PRKG1: variants seen among roughly 807,000 people sequenced by gnomAD.
The protein encoded by PRKG1 is cGMP-dependent protein kinase 1.
In PRKG1, 35 loss-of-function variants were observed where a neutral mutation model predicts 88.1. That is an observed-to-expected ratio of 0.40 (90% confidence interval 0.30 to 0.53). The LOEUF (loss-of-function observed/expected upper bound fraction) is 0.53. PRKG1 is among the 20% of genes least tolerant of loss of function. PRKG1 has a pLI of 0.59. For synonymous variants in PRKG1, 303 were observed against 292.5 expected (o/e 1.04, Z -0.37); for missense variants, 540 against 839.8 (o/e 0.64, Z 4.41).
chr10:51,989,828 A>C (rs1564741614), intron 5 of PRKG1, among the ~76,000 whole-genome samples: 2 of 152,040 alleles, frequency 1.3e-5, no homozygotes, highest in Admixed American at 1.3e-4. Flanking sequence ...CCATGTATTT[A>C]TTTGTGCATT....
At chr10:51,281,674 G>A (rs988624350) in intron 2 of PRKG1, among the ~76,000 whole-genome samples, 7 of 152,188 alleles carry the variant, frequency 4.6e-5, no homozygotes, top group African/African-American at 1.7e-4. Flanking sequence ...GCAGACTTAA[G>A]TGTCCCTGTC....
chr10:51,424,362 CT>C lies in PRKG1; in HGVS notation c.479-43358del, dbSNP rs1472848955. ...ATTACAGATCTTTCAAATATGATAC[CT>C]TTCCAATATTTTCTAAAGCAGTAAT... On this transcript the variant is annotated intron_variant, in intron 2 of 17. Transcript: ENST00000373980. Among the ~76,000 whole-genome samples the C allele has an allele frequency of 7.3e-4, 111 of 151,736 alleles. 1 individual carries two copies. The highest frequency in any genetic ancestry group is 2.5e-3 in the African/African-American group (104 of 41,400).
chr10:51,963,705 C>T (rs973589727), intron 5 of PRKG1, among the ~76,000 whole-genome samples: 2 of 152,236 alleles, frequency 1.3e-5, no homozygotes, highest in East Asian at 1.9e-4. Flanking sequence ...ACTCCAGCCT[C>T]CCCACATGCT....
chr10:51,790,517 C>T (rs761466353), intron 3 of PRKG1, among the ~76,000 whole-genome samples: 1 of 152,264 alleles, frequency 6.6e-6, no homozygotes, highest in East Asian at 1.9e-4. Flanking sequence ...AAGCCACATA[C>T]TCCTGTATGG....
chr10:51,112,536 T>C (rs998829236), intron 1 of PRKG1, among the ~76,000 whole-genome samples: 20 of 152,128 alleles, frequency 1.3e-4, no homozygotes, highest in Non-Finnish European at 2.8e-4. Flanking sequence ...TTTCATTAGA[T>C]TCATAATAAC....
chr10:51,369,108 C>T (rs1015621679), intron 2 of PRKG1, among the ~76,000 whole-genome samples: 41 of 152,008 alleles, frequency 2.7e-4, no homozygotes, highest in African/African-American at 9.9e-4. Context: ...AAATCACTGC[C>T]GTAATGCACA....
intron 3 of PRKG1, among the ~76,000 whole-genome samples, chr10:51,646,333 T>C (rs992184976): frequency 5.1e-4 from 77 of 152,288 alleles, no homozygotes; most frequent in African/African-American, 1.7e-3. Context: ...ACTAAAAGCA[T>C]GCCTGTTGTA....
chr10:51,298,067 A>G (rs754834671), intron 2 of PRKG1, among the ~76,000 whole-genome samples: 2 of 152,138 alleles, frequency 1.3e-5, no homozygotes, highest in African/African-American at 4.8e-5. Context: ...AGCACTTACT[A>G]TATTAGGCCC....
At chr10:51,936,894 C>T (rs1444696893) in intron 5 of PRKG1, among the ~76,000 whole-genome samples, 1 of 151,926 alleles carries the variant, frequency 6.6e-6, no homozygotes, top group Non-Finnish European at 1.5e-5. Context: ...TGAATTCTTA[C>T]AAACTTTTTA....
intron 2 of PRKG1, among the ~76,000 whole-genome samples, chr10:51,301,415 A>G (rs757315951): frequency 2.0e-5 from 3 of 152,052 alleles, no homozygotes; most frequent in Non-Finnish European, 2.9e-5. Context: ...TGTTTAATAT[A>G]ACTCCCCTAA....
chr10:52,051,288 T>C (rs1377497315), intron 5 of PRKG1, among the ~76,000 whole-genome samples: 1 of 152,204 alleles, frequency 6.6e-6, no homozygotes, highest in Non-Finnish European at 1.5e-5. Flanking sequence ...TTTTCCAAAA[T>C]AATTGTATAT....
intron 1 of PRKG1, among the ~76,000 whole-genome samples, chr10:51,036,159 C>G (rs1257204765): frequency 1.3e-5 from 2 of 152,184 alleles, no homozygotes; most frequent in African/African-American, 4.8e-5. Flanking sequence ...TAACTTACTA[C>G]AGAGCCTACC....
intron 3 of PRKG1, among the ~76,000 whole-genome samples, chr10:51,554,702 G>A (rs1045236991): frequency 6.9e-6 from 1 of 145,144 alleles, no homozygotes; most frequent in South Asian, 2.2e-4. Flanking sequence ...GGGGAAAAAA[G>A]TACAATATTA....
At chr10:51,158,284 GT>G (rs1846265879) in intron 2 of PRKG1, among the ~76,000 whole-genome samples, 1 of 151,932 alleles carries the variant, frequency 6.6e-6, no homozygotes, top group Non-Finnish European at 1.5e-5. Flanking sequence ...GCCTGGAGAA[GT>G]TAATAACTTG....
chr10:51,251,970 C>T (rs1839437976), intron 2 of PRKG1, among the ~76,000 whole-genome samples: 1 of 151,770 alleles, frequency 6.6e-6, no homozygotes, highest in African/African-American at 2.4e-5. Flanking sequence ...CAATAAGTAG[C>T]ATATTACTTG....
chr10:51,389,480 T>C (rs972181913), intron 2 of PRKG1, among the ~76,000 whole-genome samples: 2 of 152,122 alleles, frequency 1.3e-5, no homozygotes, highest in Non-Finnish European at 2.9e-5. Context: ...ACCCCTAACA[T>C]GCCGCCACAG....
intron 5 of PRKG1, among the ~76,000 whole-genome samples, chr10:52,005,296 T>G (rs1022656130): frequency 6.7e-5 from 10 of 148,808 alleles, no homozygotes; most frequent in Admixed American, 1.4e-4. Context: ...GGATTTTTGC[T>G]ATGTTGGCCA....
In PRKG1 at chr10:50,991,643, A is replaced by T; in HGVS notation, c.265A>T (p.Arg89Trp). The T allele has an allele frequency of 6.6e-7, 1 of 1,518,286 alleles. No homozygotes were observed. Among genetic ancestry groups the T allele is most frequent in the Non-Finnish European group, 8.8e-7 (1 of 1,131,898 alleles). 94.1% of individuals were successfully genotyped at this position (1,518,286 alleles called of 1,614,324 possible). The change falls in exon 1 of 18, where the codon AGG (arginine) becomes TGG (tryptophan). Residue 89 changes from arginine to tryptophan, a missense_variant and splice_region_variant. Physicochemically the swap from Arg to Trp is moderately radical, Grantham distance 101. Transcript: ENST00000401604. The surrounding 1 kb of genome is among the most constrained non-coding windows in gnomAD (Gnocchi z 4.5). Reference sequence around the variant, plus strand: ...ATTCCGGAAGTTCACCAAGTCCGAAAGGTAGGCGCGGAGGCCGTGGGCCCG... The same window carrying T: ...ATTCCGGAAGTTCACCAAGTCCGAATGGTAGGCGCGGAGGCCGTGGGCCCG...
intron 1 of PRKG1, among the ~76,000 whole-genome samples, chr10:51,095,183 G>C (rs1348484717): frequency 6.6e-6 from 1 of 152,062 alleles, no homozygotes; most frequent in Non-Finnish European, 1.5e-5. Flanking sequence ...TCAGAATCCA[G>C]GTCTCTTAAT....
Sources: gnomAD v4.1 joint callset for allele counts (sites outside exome capture counted in the v4.1 genomes callset) on GRCh38, gnomAD v4.1.1 for gene constraint, Gnocchi (gnomAD v3.1) non-coding constraint, MANE v1.5 for transcripts, NCBI Gene and HGNC (gene_info 2026-07-23, HGNC 2026-07-21) for gene names.